ELAVL1: variants seen among roughly 807,000 people sequenced by gnomAD.
ELAVL1 encodes the protein ELAV like RNA binding protein 1.
A neutral mutation model predicts 28.4 loss-of-function variants in ELAVL1; 1 was observed. The observed-to-expected ratio is 0.04, with a 90% CI of 0.01 to 0.17. The LOEUF is 0.17. Among genes scored for constraint, ELAVL1 ranks in the 10% least tolerant of loss-of-function variants. The pLI, the probability that ELAVL1 is intolerant of heterozygous loss-of-function variation, is 1.00. For missense variants in ELAVL1, 157 were observed against 447.2 expected (o/e 0.35, Z 5.85); for synonymous variants, 174 against 183.5 (o/e 0.95, Z 0.42).
intron 2 of ELAVL1, among the ~76,000 whole-genome samples, chr19:7,983,838 C>G (rs376764003): frequency 1.4e-4 from 22 of 152,234 alleles, no homozygotes; most frequent in African/African-American, 5.1e-4. Flanking sequence ...GTGATCCTGA[C>G]TGGTCCCCTA....
Position 7,981,131 on chromosome 19 carries a change from T to A in ELAVL1, c.228A>T (p.Arg76Ser). 6.2e-7 allele frequency: 1 copy of A among 1,614,102 alleles called. No homozygotes were observed. The highest frequency in any genetic ancestry group is 8.5e-7 in the Non-Finnish European group (1 of 1,180,012). Residue 76 changes from arginine (R) to serine (S), a missense_variant, in exon 3 of 6, where the codon AGA (arginine) becomes AGT (serine). Coordinates refer to ENST00000407627, the MANE Select transcript of ELAVL1 (RefSeq NM_001419.3). This position sits in a 1 kb window ranked among gnomAD's most constrained non-coding sequence, Gnocchi z 4.2. ...TCAAGCCGTTCAGCGTGTTGATCGCTCTCTCTGCATCCTTCGCGGTCACGT... is the reference window on the plus strand; with the variant it reads ...TCAAGCCGTTCAGCGTGTTGATCGCACTCTCTGCATCCTTCGCGGTCACGT... ...VNYVTAKDAE[R>S]AINTLNGLRL...
Position 7,982,462 on chromosome 19 carries a change from A to C in ELAVL1, c.173-1276T>G, listed in dbSNP as rs530542829. ...GGCCAGGGACATCCAGATCCATCTC[A>C]CCGACAGCAAGATTACAAATCCAGC... On this transcript the variant is annotated intron_variant, in intron 2 of 5. Coordinates refer to ENST00000407627, the MANE Select transcript of ELAVL1 (RefSeq NM_001419.3). The surrounding 1 kb of genome is among the most constrained non-coding windows in gnomAD (Gnocchi z 4.3). Among the ~76,000 whole-genome samples the C allele has an allele frequency of 1.3e-5, 2 of 152,354 alleles. No homozygotes were observed. The highest frequency in any genetic ancestry group is 2.9e-5 in the Non-Finnish European group (2 of 68,032).
At chr19:7,967,967 T>C (rs947884227) in intron 4 of ELAVL1, among the ~76,000 whole-genome samples, 177 bp from the exon 5 acceptor site, 1 of 152,190 alleles carries the variant, frequency 6.6e-6, no homozygotes, top group East Asian at 1.9e-4. Flanking sequence ...AACCAATGAC[T>C]AACAGAAGAT....
At position 7,961,849 on chromosome 19, in the gene ELAVL1, A is replaced by G. The variant is rs1415969891; in HGVS notation, c.*1634T>C. On this transcript the variant is annotated 3_prime_UTR_variant, in exon 6 of 6. Transcript: ENST00000407627. Reference sequence around the variant, plus strand: ...CAATTTCACACTTCAATAAATAAATACATAAATAGGTATAAATAAACAGAT... The same window carrying G: ...CAATTTCACACTTCAATAAATAAATGCATAAATAGGTATAAATAAACAGAT... 6.6e-6 allele frequency: 1 copy of G among 152,218 alleles called. No homozygotes were observed. Among genetic ancestry groups the G allele is most frequent in the Non-Finnish European group, 1.5e-5 (1 of 68,046 alleles). The allele number at this position is 152,218 out of a possible 1,614,324, so 9.4% of individuals were successfully genotyped here.
chr19:8,001,510 C>T (rs910451454), intron 1 of ELAVL1, among the ~76,000 whole-genome samples: 3 of 152,224 alleles, frequency 2.0e-5, no homozygotes, highest in Non-Finnish European at 4.4e-5. Context: ...CTCCTAGTCA[C>T]TCCCCTTCCT....
intron 1 of ELAVL1, among the ~76,000 whole-genome samples, chr19:8,003,685 C>T (rs1282462318): frequency 7.1e-6 from 1 of 140,478 alleles, no homozygotes; most frequent in African/African-American, 2.7e-5. Context: ...GAGTGAGACT[C>T]CGTCTCAAAA....
chr19:8,000,597 T>C (rs377116293), intron 1 of ELAVL1, among the ~76,000 whole-genome samples: 22 of 152,328 alleles, frequency 1.4e-4, no homozygotes, highest in African/African-American at 5.1e-4. Context: ...AGATGCAACA[T>C]TCTGAGTCTT....
intron 2 of ELAVL1, among the ~76,000 whole-genome samples, chr19:7,987,999 G>A (rs1985650497): frequency 6.6e-6 from 1 of 152,252 alleles, no homozygotes; most frequent in African/African-American, 2.4e-5. Flanking sequence ...AGTGAGGACA[G>A]TGGTCTTCAG....
chr19:7,974,606 C>G (rs1308662212), intron 3 of ELAVL1, among the ~76,000 whole-genome samples: 1 of 152,112 alleles, frequency 6.6e-6, no homozygotes, highest in Non-Finnish European at 1.5e-5. Flanking sequence ...AGAAAAGGAC[C>G]ACAGTGGAAC....
chr19:7,977,979 T>C (rs974644840), intron 3 of ELAVL1, among the ~76,000 whole-genome samples: 1 of 152,224 alleles, frequency 6.6e-6, no homozygotes, highest in Non-Finnish European at 1.5e-5. Flanking sequence ...TAACTCCCTC[T>C]CCTCCTCCAG....
rs1185825576 is a variant in ELAVL1 at position 7,960,809 on chromosome 19, T to C, written c.*2674A>G. On this transcript the variant is annotated 3_prime_UTR_variant, in exon 6 of 6. Transcript: ENST00000407627. ...GTAAAATTTTTTAAGAAATGGTTTC[T>C]TTTGGGTTGAGCCTTTTTTAAGAAA... 6.6e-6 allele frequency: 1 copy of C among 152,428 alleles called. No homozygotes were observed. The highest frequency in any genetic ancestry group is 1.5e-5 in the Non-Finnish European group (1 of 68,040). The allele number at this position is 152,428 out of a possible 1,614,324, so 9.4% of individuals were successfully genotyped here.
intron 3 of ELAVL1, 33 bp from the exon 4 acceptor site, chr19:7,973,911 C>G: frequency 6.2e-7 from 1 of 1,610,202 alleles, no homozygotes; most frequent in Non-Finnish European, 8.5e-7. Context: ...GAGATTAGTA[C>G]AGGCACGTGG....
In ELAVL1 at chr19:7,981,951, TGAGAC is replaced by T. The variant is rs748693446; in HGVS notation, c.173-770_173-766del. Among the ~76,000 whole-genome samples, 1 of 152,114 alleles carries T rather than the reference TGAGAC, an allele frequency of 6.6e-6. No individual in the cohort carries two copies. The highest frequency in any genetic ancestry group is 1.5e-5 in the Non-Finnish European group (1 of 68,006). ...CCAGTTCCATTTACCTTTCCAAGCC[TGAGAC>T]CAGCCCGACCCCGCTGTGGGGCAGA... On this transcript the variant is annotated intron_variant, in intron 2 of 5. Coordinates refer to ENST00000407627, the MANE Select transcript of ELAVL1 (RefSeq NM_001419.3). This position sits in a 1 kb window ranked among gnomAD's most constrained non-coding sequence, Gnocchi z 4.2.
At chr19:7,978,309 C>T (rs1406067100) in intron 3 of ELAVL1, among the ~76,000 whole-genome samples, 3 of 152,226 alleles carry the variant, frequency 2.0e-5, no homozygotes, top group Non-Finnish European at 2.9e-5. Context: ...GGCTCCGACA[C>T]CAGAAAGACC....
At chr19:7,995,957 G>A (rs1376133370) in intron 1 of ELAVL1, among the ~76,000 whole-genome samples, 1 of 151,192 alleles carries the variant, frequency 6.6e-6, no homozygotes, top group East Asian at 1.9e-4. Flanking sequence ...CCACTGCCCA[G>A]GCTGAAGTGC....
chr19:7,975,298 C>T (rs1005805709), intron 3 of ELAVL1, among the ~76,000 whole-genome samples: 8 of 152,222 alleles, frequency 5.3e-5, no homozygotes, highest in Non-Finnish European at 1.2e-4. Flanking sequence ...GCCAGTGGAG[C>T]GGAGCTGAGG....
intron 5 of ELAVL1, among the ~76,000 whole-genome samples, chr19:7,965,441 ATCT>A (rs371632705): frequency 4.7e-4 from 71 of 152,148 alleles, no homozygotes; most frequent in African/African-American, 1.5e-3. Flanking sequence ...ACAGTCATAA[ATCT>A]TCTCCTCTCT....
At chr19:7,991,223 T>C (rs754053600) in intron 2 of ELAVL1, among the ~76,000 whole-genome samples, 3 of 151,956 alleles carry the variant, frequency 2.0e-5, no homozygotes, top group Non-Finnish European at 4.4e-5. Flanking sequence ...TGACCAAGAG[T>C]GGGGGCCTGG....
chr19:7,973,439 T>G (rs1199387524), intron 4 of ELAVL1: 9 of 438,924 alleles, frequency 2.1e-5, no homozygotes, highest in South Asian at 6.0e-5. Context: ...ACCATGTTGG[T>G]CAGGCTGGTC....
Sources: gnomAD v4.1 joint callset for allele counts (sites outside exome capture counted in the v4.1 genomes callset) on GRCh38, gnomAD v4.1.1 for gene constraint, Gnocchi (gnomAD v3.1) non-coding constraint, MANE v1.5 for transcripts, NCBI Gene and HGNC (gene_info 2026-07-23, HGNC 2026-07-21) for gene names.